The following SORCS1 variants were observed in gnomAD, a reference collection of about 807,000 sequenced individuals.
The protein encoded by SORCS1 is VPS10 domain-containing receptor SorCS1.
SORCS1 carries 60 observed loss-of-function variants against 146.1 expected under a neutral mutation model. The observed-to-expected ratio is 0.41, with a 90% CI of 0.33 to 0.51. The LOEUF (loss-of-function observed/expected upper bound fraction) is 0.51, where lower values mean the gene tolerates loss of function less well. Among genes scored for constraint, SORCS1 ranks in the 20% least tolerant of loss-of-function variants. SORCS1 has a pLI of 0.21. For missense variants in SORCS1, 1,352 were observed against 1,487.6 expected, an observed-to-expected ratio of 0.91 and a Z score of 1.50; for synonymous variants, 637 against 584.0, an observed-to-expected ratio of 1.09 and a Z score of -1.31.
At chr10:106,623,365 C>T (rs1847875362) in intron 19 of SORCS1, among the ~76,000 whole-genome samples, 1 of 151,756 alleles carries the variant, frequency 6.6e-6, no homozygotes, top group Admixed American at 6.6e-5. Flanking sequence ...GCCTCAGTCT[C>T]CCGAGTAGCT....
intron 1 of SORCS1, among the ~76,000 whole-genome samples, chr10:107,133,399 A>G (rs756398314): frequency 8.5e-5 from 13 of 152,102 alleles, no homozygotes; most frequent in Non-Finnish European, 1.6e-4. Context: ...CCTTACTTAG[A>G]TAAGGGAACT....
chr10:107,065,958 A>C (rs55943405), intron 1 of SORCS1, among the ~76,000 whole-genome samples: 1,580 of 152,310 alleles, frequency 0.01, 14 homozygotes, highest in South Asian at 0.028. Context: ...TCAAACCCAG[A>C]CTGTTTGATT....
rs190765193 is a variant in SORCS1 at position 106,728,617 on chromosome 10, C to T, written c.1024+1433G>A. ...GAGATGAGAAATCTCATGGTACATG[C>T]ATAGTAATGAAAAATGTGTGGTTTC... On this transcript the variant is annotated intron_variant, in intron 6 of 25. Coordinates refer to ENST00000263054, the MANE Select transcript of SORCS1 (RefSeq NM_052918.5). 4.8e-3 allele frequency among the ~76,000 whole-genome samples: 738 copies of T among 152,288 alleles called. 5 individuals carry two copies. The highest frequency in any genetic ancestry group is 0.017 in the African/African-American group (702 of 41,544).
intron 2 of SORCS1, among the ~76,000 whole-genome samples, chr10:106,890,839 T>C (rs935188291): frequency 6.6e-6 from 1 of 151,896 alleles, no homozygotes; most frequent in African/African-American, 2.4e-5. Context: ...TGGGAAATCA[T>C]GCTAAAAGTA....
chr10:107,124,376 G>T (rs1250997013), intron 1 of SORCS1, among the ~76,000 whole-genome samples: 1 of 152,108 alleles, frequency 6.6e-6, no homozygotes, highest in Non-Finnish European at 1.5e-5. Context: ...TGCAACCCTG[G>T]TTCCAATGTT....
At chr10:106,993,029 A>G (rs1370006004) in intron 1 of SORCS1, among the ~76,000 whole-genome samples, 3 of 151,692 alleles carry the variant, frequency 2.0e-5, no homozygotes, top group Non-Finnish European at 4.4e-5. Flanking sequence ...ACGGGGTTTC[A>G]CCATGTTGGC....
intron 2 of SORCS1, among the ~76,000 whole-genome samples, chr10:106,854,017 C>G (rs1949690566): frequency 6.6e-6 from 1 of 151,548 alleles, no homozygotes; most frequent in Admixed American, 6.6e-5. Context: ...TAATTTTTGC[C>G]TACTAGATCT....
chr10:106,650,650 C>A (rs563182437), intron 18 of SORCS1, among the ~76,000 whole-genome samples: 5 of 152,248 alleles, frequency 3.3e-5, no homozygotes, highest in Non-Finnish European at 7.4e-5. Flanking sequence ...TTATTAACAC[C>A]TGTTTAGCCA....
intron 25 of SORCS1, 150 bp from the exon 26 acceptor site, chr10:106,577,705 A>C (rs1406201808): frequency 7.0e-7 from 1 of 1,419,658 alleles, no homozygotes; most frequent in African/African-American, 1.4e-5. Flanking sequence ...TACCCTACGG[A>C]AATGCGACTG....
At chr10:106,652,690 T>C (rs973201026) in intron 17 of SORCS1, 137 bp from the exon 18 acceptor site, 1 of 862,758 alleles carries the variant, frequency 1.2e-6, no homozygotes, top group African/African-American at 1.7e-5. Flanking sequence ...CTATGAGGAG[T>C]AGGGTTAATT....
intron 1 of SORCS1, among the ~76,000 whole-genome samples, chr10:107,090,776 T>C (rs140386962): frequency 2.0e-5 from 3 of 152,312 alleles, no homozygotes; most frequent in Middle Eastern, 6.8e-3. Flanking sequence ...AGCAGATTTC[T>C]GAAAGGGTTA....
At chr10:106,916,548 G>A (rs1355784562) in intron 2 of SORCS1, among the ~76,000 whole-genome samples, 3 of 140,664 alleles carry the variant, frequency 2.1e-5, no homozygotes, top group East Asian at 2.0e-4. Flanking sequence ...CTATGCACAC[G>A]ATGATATATA....
intron 2 of SORCS1, among the ~76,000 whole-genome samples, chr10:106,937,013 T>C (rs1953753819): frequency 6.6e-6 from 1 of 152,226 alleles, no homozygotes; most frequent in Non-Finnish European, 1.5e-5. Flanking sequence ...ATTTACCAGA[T>C]GATACGGTTT....
At chr10:106,693,235 T>G (rs1853433476) in intron 9 of SORCS1, among the ~76,000 whole-genome samples, 1 of 152,208 alleles carries the variant, frequency 6.6e-6, no homozygotes, top group Non-Finnish European at 1.5e-5. Flanking sequence ...AAACATGAAC[T>G]TGTGAATCTT....
intron 2 of SORCS1, among the ~76,000 whole-genome samples, chr10:106,887,887 T>G (rs964005004): frequency 1.3e-5 from 2 of 152,232 alleles, no homozygotes; most frequent in Non-Finnish European, 2.9e-5. Context: ...TGCATACAGA[T>G]ACACTCTAAC....
intron 25 of SORCS1, chr10:106,578,747 G>C: frequency 8.9e-7 from 1 of 1,119,288 alleles, no homozygotes; most frequent in Non-Finnish European, 1.1e-6. Flanking sequence ...TGGTCCACCA[G>C]CCTTAGCCTC....
chr10:106,664,108 C>T (rs1431206894), intron 17 of SORCS1, among the ~76,000 whole-genome samples: 1 of 152,156 alleles, frequency 6.6e-6, no homozygotes, highest in African/African-American at 2.4e-5. Context: ...GTGTAATACC[C>T]ACAGAAATGA....
At position 106,961,527 on chromosome 10, in the gene SORCS1, T is replaced by C. The variant is rs907469869; in HGVS notation, c.559-4947A>G. On this transcript the variant is annotated intron_variant, in intron 1 of 25. Transcript: ENST00000263054. ...TCTTAAAAACAAAAACATAGCGTCT[T>C]CCTCTCTTCATTTACTAAAGAATTC... Among the ~76,000 whole-genome samples, 3 of 152,216 alleles carry C rather than the reference T, an allele frequency of 2.0e-5. No individual in the cohort carries two copies. In the East Asian group the frequency reaches 5.8e-4, roughly 29 times the overall value.
chr10:106,811,648 A>G (rs1947465756), intron 3 of SORCS1, among the ~76,000 whole-genome samples: 1 of 152,164 alleles, frequency 6.6e-6, no homozygotes, highest in Admixed American at 6.5e-5. Flanking sequence ...TATCTTTAGG[A>G]TTTTCATTTA....
Sources: allele counts gnomAD v4.1 joint callset (sites outside exome capture counted in the v4.1 genomes callset), GRCh38; gene constraint gnomAD v4.1.1; transcripts MANE v1.5; gene names NCBI Gene and HGNC (gene_info 2026-07-23, HGNC 2026-07-21).